The following PDGFC variants were observed in gnomAD, a reference collection of about 807,000 sequenced individuals.
PDGFC encodes the protein platelet-derived growth factor C.
A neutral mutation model predicts 35.5 loss-of-function variants in PDGFC; 12 were observed. That is an observed-to-expected ratio of 0.34 (90% CI 0.22 to 0.55). The LOEUF is 0.55. Ranked by LOEUF, PDGFC falls within the 20% of genes least tolerant of loss-of-function variation. The probability of loss-of-function intolerance (pLI) is 0.91; values close to 1 mark genes in which losing one functional copy is unlikely to be tolerated. For synonymous variants in PDGFC, 159 were observed against 148.8 expected (o/e 1.07, Z -0.50); for missense variants, 322 against 412.4 (o/e 0.78, Z 1.90).
intron 1 of PDGFC, among the ~76,000 whole-genome samples, chr4:156,937,445 ACCC>A (rs1003572582): frequency 6.6e-6 from 1 of 152,130 alleles, no homozygotes; most frequent in African/African-American, 2.4e-5. Context: ...CTCACTGGTA[ACCC>A]CAGCAATTTG....
intron 2 of PDGFC, among the ~76,000 whole-genome samples, chr4:156,827,918 T>C (rs998402263): frequency 1.3e-5 from 2 of 152,120 alleles, no homozygotes; most frequent in Non-Finnish European, 2.9e-5. Flanking sequence ...AAAACACACA[T>C]GTACACATGG....
chr4:156,788,154 A>T (rs2110871042), intron 3 of PDGFC, among the ~76,000 whole-genome samples: 1 of 152,264 alleles, frequency 6.6e-6, no homozygotes, highest in Non-Finnish European at 1.5e-5. Context: ...AATCTCGGAC[A>T]AGGAGTCTCA....
In PDGFC at chr4:156,853,444, A is replaced by C. The variant is rs377050153; in HGVS notation, c.119-3028T>G. On this transcript the variant is annotated intron_variant, in intron 1 of 5. Transcript: ENST00000502773. ...TATAATTAAATAACTGAATGCTACCAATCTTCTCAGTGCTAAAATTTTTCC... is the reference window on the plus strand; with the variant it reads ...TATAATTAAATAACTGAATGCTACCCATCTTCTCAGTGCTAAAATTTTTCC... Among the ~76,000 whole-genome samples, 14 of 152,240 alleles carry C rather than the reference A, an allele frequency of 9.2e-5. No individual in the cohort carries two copies. In the East Asian group the frequency reaches 1.9e-3, roughly 21 times the overall value.
intron 2 of PDGFC, among the ~76,000 whole-genome samples, chr4:156,849,593 TC>T (rs1729404926): frequency 6.6e-6 from 1 of 152,058 alleles, no homozygotes; most frequent in Non-Finnish European, 1.5e-5. Context: ...CAGTAGGTGG[TC>T]TTTTGCGTGG....
intron 2 of PDGFC, among the ~76,000 whole-genome samples, chr4:156,815,791 T>C (rs11100084): frequency 0.31 from 47,693 of 151,982 alleles, 8,251 homozygotes; most frequent in South Asian, 0.56. Flanking sequence ...ATGTGCACAA[T>C]TGGCCACGTC....
intron 2 of PDGFC, among the ~76,000 whole-genome samples, chr4:156,813,787 A>C (rs867875403): frequency 1.3e-5 from 2 of 152,128 alleles, no homozygotes; most frequent in African/African-American, 4.8e-5. Context: ...AAAATTTGTC[A>C]ACGTTTTAAA....
intron 3 of PDGFC, among the ~76,000 whole-genome samples, chr4:156,785,610 A>G (rs1297622665): frequency 6.6e-6 from 1 of 152,206 alleles, no homozygotes; most frequent in African/African-American, 2.4e-5. Flanking sequence ...GGGAGCAGCC[A>G]GCATCAGATA....
chr4:156,799,360 C>A (rs10155260), intron 3 of PDGFC, among the ~76,000 whole-genome samples: 5 of 152,216 alleles, frequency 3.3e-5, no homozygotes, highest in African/African-American at 1.2e-4. Context: ...TTTTCTGAGG[C>A]CTTTGGTGGC....
At chr4:156,871,103 C>T (rs1729971995) in intron 1 of PDGFC, among the ~76,000 whole-genome samples, 2 of 152,058 alleles carry the variant, frequency 1.3e-5, no homozygotes, top group African/African-American at 4.8e-5. Context: ...TATAATCCTT[C>T]GTATTCCTTC....
intron 2 of PDGFC, among the ~76,000 whole-genome samples, chr4:156,836,770 C>G (rs1266673995): frequency 6.6e-6 from 1 of 151,976 alleles, no homozygotes; most frequent in East Asian, 1.9e-4. Context: ...TTAATTTAAC[C>G]TTTCTTTACT....
intron 2 of PDGFC, among the ~76,000 whole-genome samples, chr4:156,824,325 T>TATATATATATATATACACATATACAC (rs1313538089): frequency 4.6e-5 from 5 of 109,608 alleles, no homozygotes; most frequent in African/African-American, 2.4e-4. Flanking sequence ...TATATATATA[T>TATATATATATATATACACATATACAC]ATACACACAC....
At chr4:156,862,604 A>G (rs761816843) in intron 1 of PDGFC, among the ~76,000 whole-genome samples, 1 of 152,220 alleles carries the variant, frequency 6.6e-6, no homozygotes, top group Non-Finnish European at 1.5e-5. Context: ...CATTACACAA[A>G]TAATCCAAAA....
chr4:156,768,526 C>T (rs1425492), intron 4 of PDGFC, among the ~76,000 whole-genome samples: 69,433 of 151,790 alleles, frequency 0.46, 18,940 homozygotes, highest in African/African-American at 0.76. Context: ...ATGAAGAGAA[C>T]GCACATTTGA....
chr4:156,782,867 C>A (rs1731019903), intron 3 of PDGFC, among the ~76,000 whole-genome samples: 1 of 152,138 alleles, frequency 6.6e-6, no homozygotes, highest in Non-Finnish European at 1.5e-5. Flanking sequence ...CTATATTATA[C>A]TCCTGTCACG....
chr4:156,900,716 T>C lies in PDGFC; in HGVS notation c.119-50300A>G, dbSNP rs1254606346. 3.9e-5 allele frequency among the ~76,000 whole-genome samples: 6 copies of C among 152,026 alleles called. No homozygotes were observed. In the East Asian group the frequency reaches 1.2e-3, roughly 29 times the overall value. On this transcript the variant is annotated intron_variant, in intron 1 of 5. Transcript: ENST00000502773. ...AAAATTAGCTGGGCATGGTAGCACATGCCAGATACTCAGAAGGCTGAGGTG... is the reference window on the plus strand; with the variant it reads ...AAAATTAGCTGGGCATGGTAGCACACGCCAGATACTCAGAAGGCTGAGGTG...
intron 2 of PDGFC, among the ~76,000 whole-genome samples, chr4:156,823,185 A>T (rs1037916217): frequency 6.6e-6 from 1 of 152,090 alleles, no homozygotes; most frequent in African/African-American, 2.4e-5. Flanking sequence ...TGAGCACATC[A>T]CCTGTGGTCA....
chr4:156,855,967 G>A (rs1729570318), intron 1 of PDGFC, among the ~76,000 whole-genome samples: 1 of 152,042 alleles, frequency 6.6e-6, no homozygotes, highest in African/African-American at 2.4e-5. Flanking sequence ...GGTCCACAGA[G>A]CAAACAAATC....
At chr4:156,879,053 T>C (rs1448175531) in intron 1 of PDGFC, among the ~76,000 whole-genome samples, 1 of 152,200 alleles carries the variant, frequency 6.6e-6, no homozygotes, top group Admixed American at 6.6e-5. Context: ...AGATAATTTG[T>C]CTGAAAGGTA....
intron 3 of PDGFC, among the ~76,000 whole-genome samples, chr4:156,777,551 T>C (rs1730861899): frequency 6.6e-6 from 1 of 152,108 alleles, no homozygotes; most frequent in African/African-American, 2.4e-5. Context: ...AAAATGAACA[T>C]CTACAAGTAT....
Sources: allele counts gnomAD v4.1 joint callset (sites outside exome capture counted in the v4.1 genomes callset), GRCh38; gene constraint gnomAD v4.1.1; transcripts MANE v1.5; gene names NCBI Gene and HGNC (gene_info 2026-07-23, HGNC 2026-07-21).